The following SF3B3 variants were observed in gnomAD, a reference collection of about 807,000 sequenced individuals.
The protein encoded by SF3B3 is splicing factor 3b subunit 3.
SF3B3 carries 33 observed loss-of-function variants against 139.2 expected under a neutral mutation model. That is an observed-to-expected ratio of 0.24 (90% CI 0.18 to 0.32). The LOEUF is 0.32. Ranked by LOEUF, SF3B3 falls within the 10% of genes least tolerant of loss-of-function variation. The probability of loss-of-function intolerance (pLI) is 1.00; values close to 1 mark genes in which losing one functional copy is unlikely to be tolerated. For missense variants in SF3B3, 818 were observed against 1,509.4 expected (o/e 0.54, Z 7.59); for synonymous variants, 596 against 563.6 (o/e 1.06, Z -0.81).
chr16:70,546,343 T>A (rs891092564), intron 10 of SF3B3, among the ~76,000 whole-genome samples: 1 of 152,224 alleles, frequency 6.6e-6, no homozygotes, highest in Non-Finnish European at 1.5e-5. Flanking sequence ...TGAAAGCTAG[T>A]GCTTTACACA....
At chr16:70,555,297 G>A (rs780018573) in intron 13 of SF3B3, 91 bp downstream of exon 13, 11 of 1,210,776 alleles carry the variant, frequency 9.1e-6, no homozygotes, top group Non-Finnish European at 1.3e-5. Flanking sequence ...TGATAGTATG[G>A]TGAAATCCTG....
Position 70,529,143 on chromosome 16 carries a change from G to A in SF3B3, c.341G>A (p.Arg114His). 6.2e-7 allele frequency: 1 copy of A among 1,614,054 alleles called. No individual in the cohort carries two copies. Among genetic ancestry groups the A allele is most frequent in the Non-Finnish European group, 8.5e-7 (1 of 1,180,018 alleles). Residue 114 changes from arginine to histidine, a missense_variant, in exon 3 of 26, where the codon CGC becomes CAC. This residue lies in a region of SF3B3 where 144 missense variants were observed against 259.2 expected (regional missense o/e 0.56). Transcript: ENST00000302516. ...ACCTTTGGCAAGAGTGGATGCCGTC[G>A]CATCGTTCCTGGCCAGTTCTTAGCT... The part of the protein sequence containing the change: ...QETFGKSGCR[R>H]IVPGQFLAVD...
chr16:70,570,359 G>C, intron 24 of SF3B3, among the ~76,000 whole-genome samples: 1 of 136,028 alleles, frequency 7.4e-6, no homozygotes, highest in Admixed American at 7.6e-5. Flanking sequence ...TTGCGACGGA[G>C]TCTCACTGTT....
At chr16:70,535,124 T>A (rs1473440058) in intron 5 of SF3B3, among the ~76,000 whole-genome samples, 184 bp from the exon 6 acceptor site, 1 of 152,208 alleles carries the variant, frequency 6.6e-6, no homozygotes, top group Non-Finnish European at 1.5e-5. Flanking sequence ...AAACCTTCCA[T>A]GTAAACACAA....
intron 10 of SF3B3, among the ~76,000 whole-genome samples, chr16:70,545,560 T>C (rs540047979): frequency 6.5e-4 from 99 of 152,312 alleles, no homozygotes; most frequent in Middle Eastern, 3.4e-3. Flanking sequence ...CTTGAACTTG[T>C]TAGGAATAAA....
At chr16:70,542,136 C>T (rs1266706563) in intron 9 of SF3B3, among the ~76,000 whole-genome samples, 1 of 152,068 alleles carries the variant, frequency 6.6e-6, no homozygotes, top group Non-Finnish European at 1.5e-5. Context: ...CTGTCCGCTC[C>T]ATTGAGCCAT....
intron 6 of SF3B3, among the ~76,000 whole-genome samples, chr16:70,535,750 G>T (rs577473846): frequency 9.0e-4 from 128 of 142,102 alleles, no homozygotes; most frequent in East Asian, 4.9e-3. Context: ...ATTCTATTTG[G>T]TTTTTTTTTT....
intron 3 of SF3B3, 49 bp from the exon 4 acceptor site, chr16:70,530,696 T>C (rs2050113266): frequency 2.0e-6 from 3 of 1,484,322 alleles, no homozygotes; most frequent in Non-Finnish European, 2.8e-6. Context: ...TATAAGTCTC[T>C]CTTCTCATTA....
In SF3B3 at chr16:70,555,179, A is replaced by G; in HGVS notation, c.1683A>G (p.Gly561=). 6.2e-7 allele frequency: 1 copy of G among 1,614,078 alleles called. No individual in the cohort carries two copies. The highest frequency in any genetic ancestry group is 8.5e-7 in the Non-Finnish European group (1 of 1,179,958). ...QRQVVIALTG[G]ELVYFEMDPS... The stretch of plus-strand genomic sequence containing the variant: ...AAGTGGTGATTGCCCTGACAGGAGG[A>G]GAGCTGGTCTATTTCGAGATGGATC... The change falls in exon 13 of 26, where the codon GGA becomes GGG. Residue 561 remains glycine, a synonymous_variant. Transcript: ENST00000302516.
chr16:70,552,128 C>T (rs997304261), intron 11 of SF3B3, among the ~76,000 whole-genome samples: 13 of 152,154 alleles, frequency 8.5e-5, no homozygotes, highest in African/African-American at 3.1e-4. Context: ...CTTCTTTGCC[C>T]CATTCTCTCC....
intron 5 of SF3B3, among the ~76,000 whole-genome samples, chr16:70,534,445 AAG>A (rs1255396095): frequency 6.6e-6 from 1 of 152,166 alleles, no homozygotes; most frequent in Non-Finnish European, 1.5e-5. Flanking sequence ...TTAAGACTGT[AAG>A]AGGGGAGACT....
intron 16 of SF3B3, among the ~76,000 whole-genome samples, chr16:70,560,891 T>C (rs2151791584): frequency 6.6e-6 from 1 of 152,354 alleles, no homozygotes; most frequent in East Asian, 1.9e-4. Flanking sequence ...TCTCAGGTTT[T>C]ATCCCAGTCT....
At chr16:70,560,907 C>A (rs2050422039) in intron 16 of SF3B3, among the ~76,000 whole-genome samples, 1 of 152,206 alleles carries the variant, frequency 6.6e-6, no homozygotes, top group African/African-American at 2.4e-5. Flanking sequence ...AGTCTTAGAT[C>A]AGTGTCACGT....
intron 2 of SF3B3, among the ~76,000 whole-genome samples, chr16:70,528,488 TA>T (rs1210968231): frequency 1.7e-5 from 2 of 118,696 alleles, no homozygotes; most frequent in Non-Finnish European, 3.5e-5. Flanking sequence ...TTTTTTTTTT[TA>T]GAGACGATAT....
intron 8 of SF3B3, among the ~76,000 whole-genome samples, chr16:70,540,310 C>T (rs2050207558): frequency 6.6e-6 from 1 of 151,914 alleles, no homozygotes; most frequent in Non-Finnish European, 1.5e-5. Flanking sequence ...ATCCATCCAC[C>T]TTGGCCTTCC....
chr16:70,526,404 C>A (rs1052667716), intron 1 of SF3B3, among the ~76,000 whole-genome samples, 183 bp from the exon 2 acceptor site: 3 of 152,088 alleles, frequency 2.0e-5, no homozygotes, highest in African/African-American at 7.2e-5. Flanking sequence ...GACGGGGTTT[C>A]ACTGTGTTGC....
Position 70,539,253 on chromosome 16 carries a change from A to T in SF3B3, c.1067+46A>T, listed in dbSNP as rs759133553. ...CCTAGTTCACCCTGGTTGGGATAAAAGTTGGCAGCAGAAGCTGGGTGCAGT... is the reference window on the plus strand; with the variant it reads ...CCTAGTTCACCCTGGTTGGGATAAATGTTGGCAGCAGAAGCTGGGTGCAGT... On this transcript the variant is annotated intron_variant, in intron 8 of 25. Transcript: ENST00000302516. 1.6e-5 allele frequency: 23 copies of T among 1,403,642 alleles called. No individual in the cohort carries two copies. The Admixed American group carries it at 3.4e-4, about 20-fold the overall frequency. The allele number at this position is 1,403,642 out of a possible 1,614,324, so 86.9% of individuals were successfully genotyped here. A position where few individuals can be genotyped will look rare whatever the true frequency, so the allele number is the denominator to read the frequency against.
At chr16:70,547,469 G>A (rs1390407644) in intron 10 of SF3B3, among the ~76,000 whole-genome samples, 4 of 152,170 alleles carry the variant, frequency 2.6e-5, no homozygotes, top group East Asian at 1.9e-4. Context: ...TGGCTTAGAT[G>A]TTTTGTTTAC....
At chr16:70,548,526 T>G in intron 11 of SF3B3, 84 bp downstream of exon 11, 1 of 1,172,038 alleles carries the variant, frequency 8.5e-7, no homozygotes, top group Admixed American at 1.7e-5. Context: ...TCATAATACT[T>G]CTGTATCATT....
Sources: gnomAD v4.1 joint callset for allele counts (sites outside exome capture counted in the v4.1 genomes callset) on GRCh38, gnomAD v4.1.1 for gene constraint, gnomAD v4.1.1 regional missense constraint, MANE v1.5 for transcripts, NCBI Gene and HGNC (gene_info 2026-07-23, HGNC 2026-07-21) for gene names.